GLRA2: variants seen among roughly 807,000 people sequenced by gnomAD.
GLRA2 encodes the protein glycine receptor alpha 2, also known as glycine receptor subunit alpha-2.
GLRA2 carries 11 observed loss-of-function variants against 31.6 expected under a neutral mutation model. That is an observed-to-expected ratio of 0.35 (90% CI 0.22 to 0.58). The LOEUF (loss-of-function observed/expected upper bound fraction) is 0.58, where lower values mean the gene tolerates loss of function less well. GLRA2 is among the 20% of genes least tolerant of loss of function. The probability of loss-of-function intolerance (pLI) is 0.84; values close to 1 mark genes in which losing one functional copy is unlikely to be tolerated. For missense variants in GLRA2, 212 were observed against 351.8 expected (o/e 0.60, Z 3.18); for synonymous variants, 132 against 134.0 (o/e 0.99, Z 0.10).
At chrX:14,531,221 A>G in intron 1 of GLRA2, 1 of 725,327 alleles carries the variant, frequency 1.4e-6, no homozygotes, top group South Asian at 2.3e-5. Context: ...AACTCCTACA[A>G]AATATTTATA....
chrX:14,492,490 TAAAC>T, the GLRA2 span, among the ~76,000 whole-genome samples: 1 of 111,845 alleles, frequency 8.9e-6, no homozygotes, highest in East Asian at 2.8e-4. Flanking sequence ...GAATACTAAA[TAAAC>T]ACATAAAAGT....
intron 4 of GLRA2, among the ~76,000 whole-genome samples, chrX:14,589,053 T>TTAG (rs2090112405): frequency 9.0e-6 from 1 of 111,469 alleles, no homozygotes; most frequent in African/African-American, 3.3e-5. Flanking sequence ...CTCTTCCTAT[T>TTAG]TAGATGCCTT....
the GLRA2 span, among the ~76,000 whole-genome samples, chrX:14,493,588 CAT>C: frequency 8.9e-5 from 9 of 100,605 alleles, no homozygotes; most frequent in Non-Finnish European, 1.2e-4. Context: ...CATATATACA[CAT>C]ATATACATAT....
chrX:14,532,866 C>T (rs1234754255), intron 2 of GLRA2, among the ~76,000 whole-genome samples: 1 of 111,221 alleles, frequency 9.0e-6, no homozygotes, highest in Non-Finnish European at 1.9e-5. Context: ...ATTTTTTGTT[C>T]CTTTTTGTTT....
At chrX:14,582,957 C>T (rs1219598576) in intron 4 of GLRA2, among the ~76,000 whole-genome samples, 1 of 111,795 alleles carries the variant, frequency 8.9e-6, no homozygotes, top group African/African-American at 3.3e-5. Flanking sequence ...TTTGCCAACC[C>T]TTGATATAAG....
the GLRA2 span, among the ~76,000 whole-genome samples, chrX:14,478,999 T>C: frequency 2.5e-4 from 28 of 111,016 alleles, no homozygotes; most frequent in Admixed American, 7.7e-4. Flanking sequence ...CAACAAGATA[T>C]GGCCATATTT....
chrX:14,635,955 G>A (rs2090705884), intron 7 of GLRA2, among the ~76,000 whole-genome samples: 1 of 111,075 alleles, frequency 9.0e-6, no homozygotes, highest in South Asian at 3.8e-4. Context: ...AACTGAGATT[G>A]GGTCAAATGA....
At chrX:14,526,190 C>T (rs758930525), upstream of GLRA2, among the ~76,000 whole-genome samples, 22 of 111,942 alleles carry the variant, frequency 2.0e-4, no homozygotes, top group African/African-American at 5.2e-4. Context: ...ATGAACAATA[C>T]GGTAAGCATT....
At chrX:14,512,875 A>G in the GLRA2 span, among the ~76,000 whole-genome samples, 3 of 111,706 alleles carry the variant, frequency 2.7e-5, no homozygotes, top group Non-Finnish European at 5.7e-5. Flanking sequence ...ATTCCCATAA[A>G]AATACCACCA....
chrX:14,452,247 TCA>T, the GLRA2 span, among the ~76,000 whole-genome samples: 250 of 112,769 alleles, frequency 2.2e-3, 1 homozygote, highest in African/African-American at 7.1e-3. Context: ...TTCCTCTATT[TCA>T]CAGTCAACAG....
chrX:14,607,972 C>T (rs937034959), intron 6 of GLRA2, among the ~76,000 whole-genome samples: 1 of 111,151 alleles, frequency 9.0e-6, no homozygotes, highest in African/African-American at 3.3e-5. Flanking sequence ...GGTGTTCATT[C>T]AATACTATGC....
chrX:14,684,291 C>T (rs889652863), intron 7 of GLRA2, among the ~76,000 whole-genome samples: 1 of 111,126 alleles, frequency 9.0e-6, no homozygotes, highest in Admixed American at 9.6e-5. Flanking sequence ...ATTGACTTGG[C>T]GATGCAGGCT....
At chrX:14,609,825 G>A (rs2090379141) in intron 7 of GLRA2, among the ~76,000 whole-genome samples, 1 of 111,554 alleles carries the variant, frequency 9.0e-6, no homozygotes, top group African/African-American at 3.3e-5. Flanking sequence ...CTAAAATGGT[G>A]AAAATTCCTA....
chrX:14,663,466 C>G (rs1189422928), intron 7 of GLRA2, among the ~76,000 whole-genome samples: 1 of 109,391 alleles, frequency 9.1e-6, no homozygotes, highest in African/African-American at 3.3e-5. Context: ...AGAAAAACTT[C>G]TAAATCATAA....
chrX:14,531,814 A>G (rs902515422), intron 1 of GLRA2, among the ~76,000 whole-genome samples: 2 of 111,580 alleles, frequency 1.8e-5, no homozygotes, highest in Non-Finnish European at 3.8e-5. Context: ...TATTTCTTAT[A>G]AAAGGTAGAT....
intron 7 of GLRA2, among the ~76,000 whole-genome samples, chrX:14,659,895 T>C (rs181204445): frequency 8.0e-5 from 9 of 112,178 alleles, no homozygotes; most frequent in Admixed American, 7.5e-4. Context: ...ACGCAGATCA[T>C]TCAGTGGATT....
chrX:14,686,912 G>A (rs111865104), intron 7 of GLRA2, among the ~76,000 whole-genome samples: 28 of 111,443 alleles, frequency 2.5e-4, no homozygotes, highest in African/African-American at 8.8e-4. Context: ...TCCTAGCCTC[G>A]ATGGTCTTTG....
At chrX:14,493,709 A>ATACATATACACG in the GLRA2 span, among the ~76,000 whole-genome samples, 1 of 90,792 alleles carries the variant, frequency 1.1e-5, no homozygotes, top group African/African-American at 5.3e-5. Context: ...ATGTATACAC[A>ATACATATACACG]TGTATACATA....
At chrX:14,495,490 G>T in the GLRA2 span, among the ~76,000 whole-genome samples, 7 of 109,887 alleles carry the variant, frequency 6.4e-5, no homozygotes, top group African/African-American at 2.3e-4. Flanking sequence ...AGGTGGAGTG[G>T]AAGGGGGAAA....
Sources: allele counts gnomAD v4.1 joint callset (sites outside exome capture counted in the v4.1 genomes callset), GRCh38; gene constraint gnomAD v4.1.1; transcripts MANE v1.5; gene names NCBI Gene and HGNC (gene_info 2026-07-23, HGNC 2026-07-21).